The following NLRP2 variants were observed in gnomAD, a reference collection of about 807,000 sequenced individuals.
NLRP2 encodes NLR family pyrin domain containing 2, also known as NACHT, LRR and PYD domains-containing protein 2.
NLRP2 carries 107 observed loss-of-function variants against 97.2 expected under a neutral mutation model. The ratio of observed to expected loss-of-function variants is 1.10; its 90% CI spans 0.94 to 1.29. NLRP2 has a LOEUF of 1.29. Among genes scored for constraint, NLRP2 ranks in the 50% most tolerant of loss-of-function variants. NLRP2 has a pLI of 0.00. For synonymous variants in NLRP2, 663 were observed against 551.5 expected, an observed-to-expected ratio of 1.20 and a Z score of -2.83; for missense variants, 1,495 against 1,330.3, an observed-to-expected ratio of 1.12 and a Z score of -1.93.
chr19:54,978,397 G>C lies in NLRP2; in HGVS notation c.397+574G>C, dbSNP rs536066566. Among the ~76,000 whole-genome samples, 3 of 152,040 alleles carry C rather than the reference G, an allele frequency of 2.0e-5. No individual in the cohort carries two copies. The South Asian group carries it at 6.3e-4, about 32-fold the overall frequency. ...CTACAGGTGCATGCCACCACGCCCAGCTAATTTTTTTTTGTACTTTTAGTA... is the reference window on the plus strand; with the variant it reads ...CTACAGGTGCATGCCACCACGCCCACCTAATTTTTTTTTGTACTTTTAGTA... On this transcript the variant is annotated intron_variant, in intron 4 of 12. Transcript: ENST00000448584.
intron 1 of NLRP2, among the ~76,000 whole-genome samples, chr19:54,967,285 C>T (rs551030850): frequency 1.3e-5 from 2 of 152,158 alleles, no homozygotes; most frequent in South Asian, 4.1e-4. Context: ...GAGTTCGAGA[C>T]CAGCCTGACC....
chr19:54,986,492 A>G (rs760550162), intron 8 of NLRP2, 177 bp downstream of exon 8: 43 of 668,570 alleles, frequency 6.4e-5, no homozygotes, highest in Admixed American at 1.1e-4. Flanking sequence ...CTTGAACAGT[A>G]AACACCCTGG....
At position 55,001,007 on chromosome 19, in the gene NLRP2, C is replaced by T; in HGVS notation, c.*109C>T. ...CCCTACCCCTCAGGGATAATGAGTT[C>T]ATTGCTGGGCTAGATGTTTTAGCCA... On this transcript the variant is annotated 3_prime_UTR_variant, in exon 13 of 13. Coordinates refer to ENST00000448584, the MANE Select transcript of NLRP2 (RefSeq NM_017852.5). The T allele has an allele frequency of 2.1e-6, 2 of 943,712 alleles. No individual in the cohort carries two copies. Among genetic ancestry groups the T allele is most frequent in the Non-Finnish European group, 3.4e-6 (2 of 587,428 alleles). The allele number at this position is 943,712 out of a possible 1,614,324, so 58.5% of individuals were successfully genotyped here. A position where few individuals can be genotyped will look rare whatever the true frequency, so the allele number is the denominator to read the frequency against.
chr19:54,966,705 C>T (rs932129499), intron 1 of NLRP2, among the ~76,000 whole-genome samples: 50 of 152,114 alleles, frequency 3.3e-4, no homozygotes, highest in African/African-American at 1.2e-3. Flanking sequence ...GCCACTATGC[C>T]CAGCTAATTT....
At position 54,997,350 on chromosome 19, in the gene NLRP2, T is replaced by C. The variant is rs2072887690; in HGVS notation, c.2913T>C (p.Cys971=). ...GATGTTCCATCCCTCCGTTCAGTTG[T>C]GAAGACCTCTGCTCTGCCCTCAGCT... ...LWGCSIPPFS[C]EDLCSALSCN... The change falls in exon 12 of 13, where the codon TGT becomes TGC. Residue 971 remains cysteine, a synonymous_variant. Transcript: ENST00000448584. The C allele has an allele frequency of 6.2e-7, 1 of 1,613,986 alleles. No homozygotes were observed. Among genetic ancestry groups the C allele is most frequent in the African/African-American group, 1.3e-5 (1 of 74,946 alleles).
intron 2 of NLRP2, chr19:54,973,996 AAAG>A (rs1476836526): frequency 8.0e-7 from 1 of 1,249,422 alleles, no homozygotes; most frequent in South Asian, 1.2e-5. Context: ...CTAAAACTAC[AAAG>A]AAGATTGTGC....
intron 12 of NLRP2, 45 bp from the exon 13 acceptor site, chr19:55,000,715 T>G: frequency 6.3e-7 from 1 of 1,593,000 alleles, no homozygotes; most frequent in Non-Finnish European, 8.5e-7. Context: ...GAAACAAATC[T>G]CCTTGATGCA....
intron 12 of NLRP2, among the ~76,000 whole-genome samples, chr19:54,997,946 T>C (rs971359336): frequency 1.3e-5 from 2 of 151,870 alleles, no homozygotes; most frequent in African/African-American, 4.8e-5. Flanking sequence ...TACCTGCTCA[T>C]GATAGCCATT....
chr19:54,997,328 G>A lies in NLRP2; in HGVS notation c.2891G>A (p.Cys964Tyr), dbSNP rs2072885399. Reference protein sequence around the residue: ...CNLRCLWLWGCSIPPFSCEDL... With the variant: ...CNLRCLWLWGYSIPPFSCEDL... ...CTGTGTTTCCCCAGGTTGTGGGGAT[G>A]TTCCATCCCTCCGTTCAGTTGTGAA... Residue 964 changes from cysteine to tyrosine, a missense_variant, in exon 12 of 13, where the codon TGT becomes TAT. Transcript: ENST00000448584. 2 of 1,613,714 alleles carry A rather than the reference G, an allele frequency of 1.2e-6. No individual in the cohort carries two copies. Among genetic ancestry groups the A allele is most frequent in the East Asian group, 4.5e-5 (2 of 44,886 alleles).
chr19:54,981,148 G>T (rs2071543968), intron 4 of NLRP2, among the ~76,000 whole-genome samples: 2 of 152,172 alleles, frequency 1.3e-5, no homozygotes, highest in South Asian at 2.1e-4. Flanking sequence ...TTGTTTGTAT[G>T]CCCTGAACCA....
intron 4 of NLRP2, among the ~76,000 whole-genome samples, chr19:54,979,491 C>G (rs911105025): frequency 6.6e-6 from 1 of 151,924 alleles, no homozygotes; most frequent in Non-Finnish European, 1.5e-5. Context: ...AGGCGCCCAC[C>G]ACCACATCTG....
Position 54,982,641 on chromosome 19 carries a change from C to G in NLRP2, c.943C>G (p.Pro315Ala). 6.2e-7 allele frequency: 1 copy of G among 1,614,122 alleles called. No homozygotes were observed. The highest frequency in any genetic ancestry group is 1.1e-5 in the South Asian group (1 of 91,086). Residue 315 changes from proline to alanine, a missense_variant, in exon 6 of 13, where the codon CCC (proline) becomes GCC (alanine). By Grantham distance (27) the Pro-to-Ala change is conservative. Coordinates refer to ENST00000448584, the MANE Select transcript of NLRP2 (RefSeq NM_017852.5). ...GGACTGGGAGAAGAAGAAGCCGGTG[C>G]CCGTCCTCCTGGGGAGTTTGCTGAA... ...CGDWEKKKPV[P>A]VLLGSLLNRV...
chr19:54,979,259 A>G (rs181317707), intron 4 of NLRP2, among the ~76,000 whole-genome samples: 103 of 152,172 alleles, frequency 6.8e-4, no homozygotes, highest in African/African-American at 2.4e-3. Context: ...TGCTGGGATT[A>G]CAGCTGTGAA....
At chr19:54,995,439 C>T (rs374054269) in intron 11 of NLRP2, among the ~76,000 whole-genome samples, 13 of 151,580 alleles carry the variant, frequency 8.6e-5, no homozygotes, top group East Asian at 5.9e-4. Context: ...TGAGAGCCAC[C>T]GTGCCCAGCC....
chr19:54,986,412 C>A, intron 8 of NLRP2, 97 bp downstream of exon 8: 3 of 1,136,602 alleles, frequency 2.6e-6, no homozygotes, highest in Admixed American at 3.5e-5. Flanking sequence ...GTTCGTTATT[C>A]TGACTAGAAA....
rs766009543 is a variant in NLRP2, at chr19:54,990,147, T to C, written c.2492T>C (p.Leu831Pro). ...CTTCTGGATGAGGGTGCTAAGTTGC[T>C]GTACACAACTTTGAGACACCCCAAG... ...NELLDEGAKLLYTTLRHPKCF... is the reference protein window; with the variant it reads ...NELLDEGAKLPYTTLRHPKCF... Residue 831 changes from leucine to proline, a missense_variant, in exon 9 of 13, where the codon CTG becomes CCG. By Grantham distance (98) the Leu-to-Pro change is moderately conservative. Coordinates refer to ENST00000448584, the MANE Select transcript of NLRP2 (RefSeq NM_017852.5). 1.9e-6 allele frequency: 3 copies of C among 1,614,172 alleles called. No individual in the cohort carries two copies. The highest frequency in any genetic ancestry group is 1.7e-5 in the Admixed American group (1 of 60,006).
intron 10 of NLRP2, 199 bp downstream of exon 10, chr19:54,990,871 G>A (rs2072431541): frequency 1.6e-6 from 1 of 622,726 alleles, no homozygotes; most frequent in Non-Finnish European, 2.9e-6. Flanking sequence ...ATATTCTATA[G>A]GGATTTGGGG....
chr19:54,982,689 G>T lies in NLRP2; in HGVS notation c.991G>T (p.Ala331Ser), dbSNP rs200189881. ...LLNRVMLPKAALLVTTRPRAL... is the reference protein window; with the variant it reads ...LLNRVMLPKASLLVTTRPRAL... Reference sequence around the variant, plus strand: ...GAACAGGGTGATGTTACCCAAGGCCGCCCTGCTGGTCACCACGCGGCCCAG... The same window carrying T: ...GAACAGGGTGATGTTACCCAAGGCCTCCCTGCTGGTCACCACGCGGCCCAG... The change falls in exon 6 of 13, where the codon GCC becomes TCC. Residue 331 changes from alanine to serine, a missense_variant. By Grantham distance (99) the Ala-to-Ser change is moderately conservative. Transcript: ENST00000448584. 7.0e-5 allele frequency: 113 copies of T among 1,613,960 alleles called. No homozygotes were observed. Among genetic ancestry groups the T allele is most frequent in the Non-Finnish European group, 9.3e-5 (110 of 1,179,984 alleles).
chr19:54,997,550 T>G, intron 12 of NLRP2, 63 bp downstream of exon 12: 1 of 1,542,934 alleles, frequency 6.5e-7, no homozygotes, highest in Non-Finnish European at 9.0e-7. Context: ...GGAAGCATAA[T>G]GACATGGACC....
Sources: allele counts gnomAD v4.1 joint callset (sites outside exome capture counted in the v4.1 genomes callset), GRCh38; gene constraint gnomAD v4.1.1; transcripts MANE v1.5; gene names NCBI Gene and HGNC (gene_info 2026-07-23, HGNC 2026-07-21).